Variants in PACRG observed in about 807,000 individuals in gnomAD.
PACRG encodes the protein parkin coregulated gene protein.
Under a neutral mutation model 29.7 loss-of-function variants are expected in PACRG, and 29 were observed. The ratio of observed to expected loss-of-function variants is 0.98; its 90% CI spans 0.73 to 1.33. The LOEUF (loss-of-function observed/expected upper bound fraction) is 1.33. PACRG is among the 40% of genes most tolerant of loss of function. The pLI is 0.00. For synonymous variants in PACRG, 116 were observed against 118.7 expected, an observed-to-expected ratio of 0.98 and a Z score of 0.15; for missense variants, 279 against 316.2, an observed-to-expected ratio of 0.88 and a Z score of 0.89.
intron 2 of PACRG, among the ~76,000 whole-genome samples, chr6:162,958,127 TA>T (rs1800207413): frequency 6.6e-6 from 1 of 152,138 alleles, no homozygotes; most frequent in Non-Finnish European, 1.5e-5. Flanking sequence ...AATAAATTAC[TA>T]AAAACAAAGA....
chr6:162,922,269 C>T (rs910055400), intron 2 of PACRG, among the ~76,000 whole-genome samples: 1 of 148,246 alleles, frequency 6.7e-6, no homozygotes, highest in East Asian at 2.0e-4. Flanking sequence ...ATCTAGCATG[C>T]CTGTTTCTGG....
intron 4 of PACRG, among the ~76,000 whole-genome samples, chr6:163,104,349 C>T (rs1815265294): frequency 1.3e-5 from 2 of 152,118 alleles, no homozygotes; most frequent in African/African-American, 4.8e-5. Context: ...CAGCCAAATT[C>T]CTTCTCAGAG....
intron 4 of PACRG, among the ~76,000 whole-genome samples, chr6:163,255,165 C>T (rs1469242367): frequency 6.6e-6 from 1 of 152,140 alleles, no homozygotes; most frequent in Non-Finnish European, 1.5e-5. Context: ...TTTTGCCCGG[C>T]TGCAGAGTTC....
intron 4 of PACRG, among the ~76,000 whole-genome samples, chr6:163,131,856 C>T (rs1302503480): frequency 6.6e-6 from 1 of 152,190 alleles, no homozygotes; most frequent in African/African-American, 2.4e-5. Context: ...TACCACAATA[C>T]TTTACCCATA....
intron 2 of PACRG, among the ~76,000 whole-genome samples, chr6:162,893,776 A>C (rs991853883): frequency 6.6e-6 from 1 of 152,198 alleles, no homozygotes; most frequent in Non-Finnish European, 1.5e-5. Context: ...GTCAGATATG[A>C]TGGGAATCAC....
At chr6:162,854,402 T>A (rs1049016845) in intron 2 of PACRG, among the ~76,000 whole-genome samples, 8 of 152,148 alleles carry the variant, frequency 5.3e-5, no homozygotes, top group Admixed American at 1.3e-4. Context: ...GTTTAACCAG[T>A]AGAATTGAAA....
intron 1 of PACRG, among the ~76,000 whole-genome samples, chr6:162,738,214 A>G (rs1780314227): frequency 6.6e-6 from 1 of 152,200 alleles, no homozygotes; most frequent in Admixed American, 6.5e-5. Flanking sequence ...TATATCCTAT[A>G]GATAGATGGA....
chr6:162,855,268 A>T (rs972162137), intron 2 of PACRG, among the ~76,000 whole-genome samples: 1 of 152,240 alleles, frequency 6.6e-6, no homozygotes, highest in African/African-American at 2.4e-5. Flanking sequence ...ACACAAAAAG[A>T]ACACAGTACA....
intron 4 of PACRG, among the ~76,000 whole-genome samples, chr6:163,167,675 T>C (rs1476423962): frequency 6.6e-6 from 1 of 152,188 alleles, no homozygotes; most frequent in East Asian, 1.9e-4. Flanking sequence ...CTATTATTTT[T>C]CTAAAATGAA....
chr6:163,127,222 A>G (rs1816552525), intron 4 of PACRG, among the ~76,000 whole-genome samples: 1 of 152,242 alleles, frequency 6.6e-6, no homozygotes, highest in Non-Finnish European at 1.5e-5. Context: ...GTGCAAAAAG[A>G]AAAACAGAAA....
At chr6:163,298,505 G>A (rs1288392428) in intron 4 of PACRG, among the ~76,000 whole-genome samples, 1 of 152,126 alleles carries the variant, frequency 6.6e-6, no homozygotes. Flanking sequence ...ACCACAAAAT[G>A]TTCATATTCT....
At chr6:163,081,615 C>G (rs493847) in intron 3 of PACRG, among the ~76,000 whole-genome samples, 45,621 of 151,788 alleles carry the variant, frequency 0.3, 7,418 homozygotes, top group East Asian at 0.57. Flanking sequence ...AATTAGCCAG[C>G]CATGGTGGTG....
chr6:163,160,336 C>T (rs1181883028), intron 4 of PACRG, among the ~76,000 whole-genome samples: 4 of 152,184 alleles, frequency 2.6e-5, no homozygotes, highest in African/African-American at 7.2e-5. Context: ...TAATCATGTT[C>T]GCCACCCAGC....
At chr6:163,146,614 A>G (rs1262496870) in intron 4 of PACRG, among the ~76,000 whole-genome samples, 4 of 152,218 alleles carry the variant, frequency 2.6e-5, no homozygotes, top group East Asian at 3.8e-4. Flanking sequence ...AGTAAATAAA[A>G]TGGCTTCATC....
chr6:162,756,738 ATCTT>A (rs1249780731), intron 1 of PACRG, among the ~76,000 whole-genome samples: 3 of 151,636 alleles, frequency 2.0e-5, no homozygotes, highest in Non-Finnish European at 4.4e-5. Flanking sequence ...CTCTCTTGCT[ATCTT>A]TCTTTGTGGT....
chr6:163,136,374 G>A (rs1008076219), intron 4 of PACRG, among the ~76,000 whole-genome samples: 1 of 152,080 alleles, frequency 6.6e-6, no homozygotes, highest in Non-Finnish European at 1.5e-5. Context: ...GTTTCTATTT[G>A]AATTTGAAGA....
chr6:162,947,284 T>C (rs1337766467), intron 2 of PACRG, among the ~76,000 whole-genome samples: 1 of 54,152 alleles, frequency 1.8e-5, no homozygotes, highest in South Asian at 9.4e-4. Context: ...CCATATATAA[T>C]CATACATATA....
intron 4 of PACRG, among the ~76,000 whole-genome samples, chr6:163,270,992 T>C (rs1173917259): frequency 6.6e-6 from 1 of 152,074 alleles, no homozygotes; most frequent in Non-Finnish European, 1.5e-5. Context: ...GGTCCCACAA[T>C]AGGACGTGTC....
intron 2 of PACRG, among the ~76,000 whole-genome samples, chr6:162,901,478 A>T (rs925132312): frequency 3.9e-5 from 6 of 152,216 alleles, no homozygotes; most frequent in Admixed American, 3.9e-4. Flanking sequence ...CTGTTCCAGG[A>T]TGATACATAG....
Sources: allele counts gnomAD v4.1 joint callset (sites outside exome capture counted in the v4.1 genomes callset), GRCh38; gene constraint gnomAD v4.1.1; transcripts MANE v1.5; gene names NCBI Gene and HGNC (gene_info 2026-07-23, HGNC 2026-07-21).